The following IWS1 variants were observed in gnomAD, a reference collection of about 807,000 sequenced individuals.
IWS1 encodes the protein interacts with SUPT6H, CTD assembly factor 1.
IWS1 carries 27 observed loss-of-function variants against 86.7 expected under a neutral mutation model. The observed-to-expected ratio is 0.31, with a 90% CI of 0.23 to 0.43. The LOEUF is 0.43. Ranked by LOEUF, IWS1 falls within the 20% of genes least tolerant of loss-of-function variation. IWS1 has a pLI of 1.00. For synonymous variants in IWS1, 313 were observed against 335.1 expected (o/e 0.93, Z 0.72); for missense variants, 827 against 1,000.8 (o/e 0.83, Z 2.34).
intron 2 of IWS1, chr2:127,514,879 G>C (rs1691686160): frequency 6.6e-6 from 1 of 152,286 alleles, no homozygotes; most frequent in Admixed American, 6.5e-5. Context: ...GAGTGGGCAG[G>C]GTGAGTCCAG....
chr2:127,483,776 T>C (rs12475217), intron 13 of IWS1, among the ~76,000 whole-genome samples: 103,701 of 151,552 alleles, frequency 0.68, 36,900 homozygotes, highest in Admixed American at 0.78. Flanking sequence ...ACTACAGATG[T>C]ATGCCACCAT....
intron 5 of IWS1, among the ~76,000 whole-genome samples, chr2:127,501,473 G>A (rs538589139): frequency 2.8e-4 from 43 of 152,126 alleles, no homozygotes; most frequent in Admixed American, 2.7e-3. Flanking sequence ...CTATGGTTTA[G>A]GTATCATTTC....
chr2:127,508,125 T>A (rs1282667933), intron 2 of IWS1, among the ~76,000 whole-genome samples: 1 of 152,102 alleles, frequency 6.6e-6, no homozygotes, highest in East Asian at 1.9e-4. Context: ...GGGAATAACA[T>A]AAGGTGAGGA....
chr2:127,521,200 C>CAAGA (rs551432932), intron 2 of IWS1, among the ~76,000 whole-genome samples: 151 of 152,186 alleles, frequency 9.9e-4, no homozygotes, highest in Middle Eastern at 3.4e-3. Flanking sequence ...TGCAGTGAGC[C>CAAGA]AAGATCATGC....
chr2:127,507,070 C>T (rs1474874614), intron 2 of IWS1, among the ~76,000 whole-genome samples: 1 of 152,096 alleles, frequency 6.6e-6, no homozygotes, highest in Non-Finnish European at 1.5e-5. Context: ...ATGACTTAAG[C>T]TATGTGAACC....
chr2:127,496,260 C>T, intron 6 of IWS1, 112 bp from the exon 7 acceptor site: 11 of 1,183,532 alleles, frequency 9.3e-6, no homozygotes, highest in Admixed American at 2.5e-5. Flanking sequence ...TGAAGTGCTA[C>T]CTTCTTTTAA....
At chr2:127,484,967 A>G (rs1573498513) in intron 13 of IWS1, among the ~76,000 whole-genome samples, 1 of 151,928 alleles carries the variant, frequency 6.6e-6, no homozygotes. Flanking sequence ...ACTGCACTCC[A>G]ACCTGGGCGA....
intron 2 of IWS1, among the ~76,000 whole-genome samples, chr2:127,517,909 T>C (rs1411295067): frequency 6.6e-6 from 1 of 152,212 alleles, no homozygotes; most frequent in African/African-American, 2.4e-5. Context: ...TACTCATGTG[T>C]GCTACAACAT....
Position 127,489,408 on chromosome 2 carries a change from A to G in IWS1, c.2160-173T>C, listed in dbSNP as rs2288655. On this transcript the variant is annotated intron_variant, in intron 11 of 13. Coordinates refer to ENST00000295321, the MANE Select transcript of IWS1 (RefSeq NM_017969.3). The surrounding 1 kb of genome is among the most constrained non-coding windows in gnomAD (Gnocchi z 4.8). ...ACTACTCATTTTAGTATTCATTTGC[A>G]TAACAGGTTTCCTTGTGGATGAGCC... The G allele has an allele frequency of 0.16, 95,609 of 588,962 alleles. 8,920 individuals are homozygous for G. Among genetic ancestry groups the G allele is most frequent in the South Asian group, 0.3 (13,010 of 43,946 alleles). The allele number at this position is 588,962 out of a possible 1,614,324, so 36.5% of individuals were successfully genotyped here. A position where few individuals can be genotyped will look rare whatever the true frequency, so the allele number is the denominator to read the frequency against.
chr2:127,517,024 A>T (rs1413057251), intron 2 of IWS1, among the ~76,000 whole-genome samples: 2 of 152,224 alleles, frequency 1.3e-5, no homozygotes, highest in African/African-American at 4.8e-5. Flanking sequence ...CATTTACTAA[A>T]CATCAAAGAG....
intron 2 of IWS1, among the ~76,000 whole-genome samples, chr2:127,523,041 C>T (rs772933041): frequency 6.6e-6 from 1 of 152,150 alleles, no homozygotes; most frequent in Non-Finnish European, 1.5e-5. Flanking sequence ...GAAACCCCAT[C>T]TCTACCAAGA....
intron 2 of IWS1, among the ~76,000 whole-genome samples, chr2:127,514,099 T>C (rs1368574122): frequency 2.9e-4 from 44 of 152,248 alleles, no homozygotes; most frequent in Non-Finnish European, 8.8e-5. Flanking sequence ...TAATCAAATG[T>C]TGCCTTTCCC....
At chr2:127,515,250 T>C (rs1348818902) in intron 2 of IWS1, among the ~76,000 whole-genome samples, 1 of 152,156 alleles carries the variant, frequency 6.6e-6, no homozygotes, top group Non-Finnish European at 1.5e-5. Context: ...TCATCAATGA[T>C]GGGGAGGATG....
chr2:127,494,589 C>G (rs1690415251), intron 8 of IWS1: 2 of 201,132 alleles, frequency 9.9e-6, no homozygotes, highest in Non-Finnish European at 2.0e-5. Context: ...TAGCAAGATC[C>G]TGTCTTTACC....
chr2:127,495,069 CAAGA>C (rs1344255421), intron 7 of IWS1, 115 bp from the exon 8 acceptor site: 6 of 632,858 alleles, frequency 9.5e-6, no homozygotes, highest in African/African-American at 3.7e-5. Flanking sequence ...ATTTTTCCTA[CAAGA>C]AAGAATAATT....
chr2:127,526,804 T>C (rs962499388), upstream of IWS1: 2 of 787,254 alleles, frequency 2.5e-6, no homozygotes, highest in African/African-American at 3.6e-5. Context: ...CAAACCACTG[T>C]CTTTCCCGTC....
rs114086371 is a variant in IWS1 at position 127,489,234 on chromosome 2, T to C, written c.2161A>G (p.Thr721Ala). ...TCTCTTCTGGGTGTCTGACCACCAG[T>C]GCTGAAAAAAAAGTAAACAAGGAGA... ...QMPQRRRMNS[T>A]GGQTPRRDLE... is the part of the protein sequence containing the mutation. The change falls in exon 12 of 14, where the codon ACT (threonine) becomes GCT (alanine). Residue 721 changes from threonine to alanine, a missense_variant and splice_region_variant. Thr to Ala is a moderately conservative substitution (Grantham distance 58). Around this residue, in one of 2 missense-constraint regions of IWS1, gnomAD observed 279 missense variants for 440.6 expected, o/e 0.63. Transcript: ENST00000295321. The surrounding 1 kb of genome is among the most constrained non-coding windows in gnomAD (Gnocchi z 4.8). 1,801 of 1,610,848 alleles carry C rather than the reference T, an allele frequency of 1.1e-3. 19 individuals carry two copies. The African/African-American group carries it at 0.022, about 20-fold the overall frequency.
Position 127,511,575 on chromosome 2 carries a change from T to C in IWS1, c.151-5823A>G, listed in dbSNP as rs75169028. 3.5e-3 allele frequency among the ~76,000 whole-genome samples: 530 copies of C among 152,314 alleles called. 5 individuals are homozygous for C. The highest frequency in any genetic ancestry group is 0.012 in the African/African-American group (492 of 41,568). ...CCCATGGCATCTTGTACGCTCACACTTCACTGAAAGGTGATTTACACATTT... is the reference window on the plus strand; with the variant it reads ...CCCATGGCATCTTGTACGCTCACACCTCACTGAAAGGTGATTTACACATTT... On this transcript the variant is annotated intron_variant, in intron 2 of 13. Coordinates refer to ENST00000295321, the MANE Select transcript of IWS1 (RefSeq NM_017969.3).
intron 13 of IWS1, chr2:127,485,892 G>A (rs2030252): frequency 0.04 from 6,132 of 152,758 alleles, 187 homozygotes; most frequent in Admixed American, 0.061. Context: ...TATATACTCT[G>A]GTAGGGCCAG....
Sources: allele counts gnomAD v4.1 joint callset (sites outside exome capture counted in the v4.1 genomes callset), GRCh38; gene constraint gnomAD v4.1.1; regional missense constraint gnomAD v4.1.1; non-coding constraint Gnocchi (gnomAD v3.1); transcripts MANE v1.5; gene names NCBI Gene and HGNC (gene_info 2026-07-23, HGNC 2026-07-21).